The following TAFA1 variants were observed in gnomAD, a reference collection of about 807,000 sequenced individuals.
TAFA1 encodes chemokine-like protein TAFA-1.
Under a neutral mutation model 18.5 loss-of-function variants are expected in TAFA1, and 4 were observed. The observed-to-expected ratio is 0.22, with a 90% confidence interval of 0.11 to 0.49. The LOEUF (loss-of-function observed/expected upper bound fraction) is 0.49, where lower values mean the gene tolerates loss of function less well. Among genes scored for constraint, TAFA1 ranks in the 20% least tolerant of loss-of-function variants. The pLI, the probability that TAFA1 is intolerant of heterozygous loss-of-function variation, is 0.98. For synonymous variants in TAFA1, 56 were observed against 55.2 expected (o/e 1.01, Z -0.06); for missense variants, 147 against 169.0 (o/e 0.87, Z 0.72).
chr3:68,476,645 A>G (rs2072102303), intron 3 of TAFA1, among the ~76,000 whole-genome samples: 1 of 152,172 alleles, frequency 6.6e-6, no homozygotes, highest in African/African-American at 2.4e-5. Flanking sequence ...ATTGTGGCTA[A>G]AAGATATGCT....
rs1403423096 is a variant in TAFA1 at position 68,167,437 on chromosome 3, C to T, written c.118+160693C>T. On this transcript the variant is annotated intron_variant, in intron 2 of 4. Transcript: ENST00000478136. The stretch of plus-strand genomic sequence containing the variant: ...ACTAAAAATACAAAAAATTGCCGGG[C>T]GTGGCGGCGTGCGCCTGTAGTCCCA... Among the ~76,000 whole-genome samples, 6 of 151,940 alleles carry T rather than the reference C, an allele frequency of 3.9e-5. No individual in the cohort carries two copies. The South Asian group carries it at 6.2e-4, about 16-fold the overall frequency.
At chr3:68,399,571 A>G (rs1052349051) in intron 2 of TAFA1, among the ~76,000 whole-genome samples, 1 of 152,166 alleles carries the variant, frequency 6.6e-6, no homozygotes, top group African/African-American at 2.4e-5. Context: ...AAAGATATTC[A>G]ACAATTCTTG....
chr3:68,305,999 G>A (rs888849486), intron 2 of TAFA1, among the ~76,000 whole-genome samples: 4 of 152,174 alleles, frequency 2.6e-5, no homozygotes, highest in Non-Finnish European at 5.9e-5. Flanking sequence ...ACAGTGAATT[G>A]GAGTAAGTTA....
intron 2 of TAFA1, among the ~76,000 whole-genome samples, chr3:68,152,687 A>G (rs2065820706): frequency 6.6e-6 from 1 of 152,040 alleles, no homozygotes; most frequent in Non-Finnish European, 1.5e-5. Flanking sequence ...GTTTTGGTTC[A>G]CCTCTCCTCT....
At chr3:68,392,930 C>T (rs958357796) in intron 2 of TAFA1, among the ~76,000 whole-genome samples, 13 of 152,036 alleles carry the variant, frequency 8.6e-5, no homozygotes, top group African/African-American at 2.2e-4. Context: ...AACACCCTAA[C>T]GTCACAATTA....
intron 2 of TAFA1, among the ~76,000 whole-genome samples, chr3:68,026,828 C>T (rs1704827103): frequency 6.6e-6 from 1 of 152,098 alleles, no homozygotes. Context: ...TCTTGCATTG[C>T]TATAAAGAAA....
intron 2 of TAFA1, among the ~76,000 whole-genome samples, chr3:68,271,804 C>T (rs1262457758): frequency 6.6e-6 from 1 of 150,636 alleles, no homozygotes; most frequent in Admixed American, 6.6e-5. Context: ...GTCTCTTTTG[C>T]CTCTTTGTCT....
chr3:68,363,747 T>G (rs1335753693), intron 2 of TAFA1, among the ~76,000 whole-genome samples: 1 of 152,228 alleles, frequency 6.6e-6, no homozygotes, highest in Admixed American at 6.5e-5. Flanking sequence ...TTGGCTCATT[T>G]TCTTGCCTGG....
chr3:68,006,747 A>G lies in TAFA1; in HGVS notation c.118+3A>G. 1 of 1,605,610 alleles carries G rather than the reference A, an allele frequency of 6.2e-7. No individual in the cohort carries two copies. The highest frequency in any genetic ancestry group is 2.2e-5 in the East Asian group (1 of 44,846). On this transcript the variant is annotated splice_donor_region_variant and intron_variant, in intron 2 of 4. Transcript: ENST00000478136. ...GCAGCATCACCTGCACAGACCAGGT[A>G]AGTCAGGAGCTGGCTCCACTGCAGC...
intron 2 of TAFA1, among the ~76,000 whole-genome samples, chr3:68,289,923 T>G (rs1029724814): frequency 6.6e-6 from 1 of 152,196 alleles, no homozygotes; most frequent in African/African-American, 2.4e-5. Context: ...AGTAAACCAA[T>G]GGACTTGTGT....
intron 2 of TAFA1, among the ~76,000 whole-genome samples, chr3:68,088,531 G>A (rs999802518): frequency 2.6e-5 from 4 of 152,136 alleles, no homozygotes; most frequent in Non-Finnish European, 4.4e-5. Context: ...GAAAATGAGA[G>A]CACAGTGCTG....
chr3:68,355,528 T>C (rs1310804403), intron 2 of TAFA1, among the ~76,000 whole-genome samples: 2 of 152,002 alleles, frequency 1.3e-5, no homozygotes, highest in Admixed American at 1.3e-4. Flanking sequence ...GAGTGCTTAG[T>C]GCATACTAAT....
chr3:68,311,858 C>A (rs190614413), intron 2 of TAFA1, among the ~76,000 whole-genome samples: 659 of 152,312 alleles, frequency 4.3e-3, no homozygotes, highest in Non-Finnish European at 6.1e-3. Context: ...CTGTGTGGAG[C>A]TGTGACCCTA....
intron 3 of TAFA1, among the ~76,000 whole-genome samples, chr3:68,464,137 C>T (rs2071837187): frequency 6.6e-6 from 1 of 152,158 alleles, no homozygotes; most frequent in Non-Finnish European, 1.5e-5. Flanking sequence ...CATAGCCCAA[C>T]TTTCTGTTCA....
chr3:68,518,889 T>C (rs2072971064), intron 3 of TAFA1, among the ~76,000 whole-genome samples: 1 of 152,218 alleles, frequency 6.6e-6, no homozygotes, highest in Admixed American at 6.5e-5. Flanking sequence ...GAGTAATTTT[T>C]ATTTGTCCAT....
chr3:68,152,584 T>C (rs1287660662), intron 2 of TAFA1, among the ~76,000 whole-genome samples: 1 of 152,100 alleles, frequency 6.6e-6, no homozygotes, highest in East Asian at 1.9e-4. Flanking sequence ...CAAATCAAAG[T>C]AGCTGAAGCT....
intron 2 of TAFA1, among the ~76,000 whole-genome samples, chr3:68,009,018 A>T (rs568394240): frequency 1.3e-5 from 2 of 152,326 alleles, no homozygotes; most frequent in African/African-American, 2.4e-5. Context: ...GGAATTACTG[A>T]TGTCCCCCCT....
intron 2 of TAFA1, among the ~76,000 whole-genome samples, chr3:68,196,967 A>G (rs1045726169): frequency 6.6e-6 from 1 of 151,798 alleles, no homozygotes; most frequent in Non-Finnish European, 1.5e-5. Context: ...CAGAAGAAAG[A>G]GGTATTTTGT....
chr3:68,131,034 T>C lies in TAFA1; in HGVS notation c.118+124290T>C, dbSNP rs143959873. Among the ~76,000 whole-genome samples, 1,385 of 152,306 alleles carry C rather than the reference T, an allele frequency of 9.1e-3. 19 individuals are homozygous for C. Among genetic ancestry groups the C allele is most frequent in the East Asian group, 0.015 (76 of 5,182 alleles). ...CTTTTTCGACTTCACCATTTCATCC[T>C]TAGTAACTGGATAATGCATGGCATA... On this transcript the variant is annotated intron_variant, in intron 2 of 4. Transcript: ENST00000478136.
Sources: gnomAD v4.1 joint callset for allele counts (sites outside exome capture counted in the v4.1 genomes callset) on GRCh38, gnomAD v4.1.1 for gene constraint, MANE v1.5 for transcripts, NCBI Gene and HGNC (gene_info 2026-07-23, HGNC 2026-07-21) for gene names.